The following GSG1L variants were observed in gnomAD, a reference collection of about 807,000 sequenced individuals.
The protein encoded by GSG1L is GSG1 like, also known as germ cell-specific gene 1-like protein.
A neutral mutation model predicts 42.1 loss-of-function variants in GSG1L; 24 were observed. That is an observed-to-expected ratio of 0.57 (90% CI 0.41 to 0.80). The LOEUF (loss-of-function observed/expected upper bound fraction) is 0.80. GSG1L is among the 30% of genes least tolerant of loss of function. The pLI is 0.00. For missense variants in GSG1L, 445 were observed against 472.2 expected, an observed-to-expected ratio of 0.94 and a Z score of 0.53; for synonymous variants, 215 against 203.5, an observed-to-expected ratio of 1.06 and a Z score of -0.48.
At chr16:27,805,924 G>A (rs1473971489) in intron 6 of GSG1L, among the ~76,000 whole-genome samples, 1 of 151,914 alleles carries the variant, frequency 6.6e-6, no homozygotes, top group African/African-American at 2.4e-5. Flanking sequence ...ATGCCCCTAA[G>A]ACAAGCCCCA....
chr16:27,946,929 G>T (rs1331765272), intron 2 of GSG1L, among the ~76,000 whole-genome samples: 2 of 152,146 alleles, frequency 1.3e-5, no homozygotes, highest in Non-Finnish European at 2.9e-5. Flanking sequence ...CATCCCACTT[G>T]ATTCTCAGAA....
intron 3 of GSG1L, among the ~76,000 whole-genome samples, chr16:27,875,118 G>T (rs2083871187): frequency 6.6e-6 from 1 of 152,124 alleles, no homozygotes; most frequent in Non-Finnish European, 1.5e-5. Context: ...CTTTGGTTAG[G>T]CAATTCCCAC....
At chr16:27,850,665 A>G (rs1287897934) in intron 3 of GSG1L, 3 of 444,516 alleles carry the variant, frequency 6.7e-6, no homozygotes, top group African/African-American at 6.0e-5. Flanking sequence ...ATGATAGAGA[A>G]AGCTTTCAAA....
chr16:27,975,469 G>C (rs1253384872), intron 1 of GSG1L, among the ~76,000 whole-genome samples: 1 of 152,050 alleles, frequency 6.6e-6, no homozygotes, highest in Admixed American at 6.6e-5. Context: ...CCACCATCAC[G>C]CTCTGAAATT....
rs116040430 is a variant in GSG1L, at chr16:27,983,782, T to C, written c.350-20579A>G. Among the ~76,000 whole-genome samples the C allele has an allele frequency of 5.2e-3, 784 of 152,182 alleles. 8 individuals are homozygous for C. Among genetic ancestry groups the C allele is most frequent in the African/African-American group, 0.019 (769 of 41,518 alleles). On this transcript the variant is annotated intron_variant, in intron 1 of 6. Transcript: ENST00000447459. ...GGGGGCAGGGATACTGGGGAGTTTT[T>C]TTGGAGGCATTCTATGGCTGACACT...
chr16:27,971,799 T>C (rs2085196345), intron 1 of GSG1L, among the ~76,000 whole-genome samples: 1 of 152,216 alleles, frequency 6.6e-6, no homozygotes, highest in South Asian at 2.1e-4. Flanking sequence ...ATATGCCCTC[T>C]GTCAGGTTGG....
At chr16:28,034,176 AC>A (rs2141178366) in intron 1 of GSG1L, among the ~76,000 whole-genome samples, 1 of 132,128 alleles carries the variant, frequency 7.6e-6, no homozygotes, top group South Asian at 2.4e-4. Flanking sequence ...CCCCATCTCA[AC>A]CCATCCCAAT....
At chr16:27,800,642 A>C (rs936640870) in intron 6 of GSG1L, among the ~76,000 whole-genome samples, 2 of 152,362 alleles carry the variant, frequency 1.3e-5, no homozygotes, top group South Asian at 2.1e-4. Flanking sequence ...ATTATAGCCA[A>C]ATCCATATCA....
rs1395497197 is a variant in GSG1L at position 27,944,138 on chromosome 16, T to G, written c.397+19018A>C. Among the ~76,000 whole-genome samples the G allele has an allele frequency of 2.0e-5, 3 of 152,302 alleles. No homozygotes were observed. The East Asian group carries it at 5.8e-4, about 29-fold the overall frequency. ...TCTGGGAGTCTGACAATGACCCATT[T>G]CTTAACCTTAGCTGTAATAAAGTTT... On this transcript the variant is annotated intron_variant, in intron 2 of 6. Transcript: ENST00000447459.
At chr16:27,948,558 G>C (rs1596639072) in intron 2 of GSG1L, among the ~76,000 whole-genome samples, 1 of 149,784 alleles carries the variant, frequency 6.7e-6, no homozygotes, top group Non-Finnish European at 1.5e-5. Flanking sequence ...ATTTTTAGTA[G>C]AGACGTGATT....
At chr16:27,966,917 C>T (rs2085142776) in intron 1 of GSG1L, among the ~76,000 whole-genome samples, 1 of 152,196 alleles carries the variant, frequency 6.6e-6, no homozygotes, top group Admixed American at 6.5e-5. Context: ...GCAGCTGTGC[C>T]TCCTTTAGAT....
rs536334186 is a variant in GSG1L, at chr16:28,032,401, G to C, written c.349+30675C>G. ...ACAAACACGAATGACAACATGCAGA[G>C]CTGGCGTAGTGAGAGTGAGACAAAT... is the stretch of plus-strand genomic sequence containing the variant. On this transcript the variant is annotated intron_variant, in intron 1 of 6. Transcript: ENST00000447459. 5.3e-5 allele frequency among the ~76,000 whole-genome samples: 8 copies of C among 152,264 alleles called. No homozygotes were observed. In the South Asian group the frequency reaches 1.7e-3, roughly 32 times the overall value.
At chr16:27,966,287 C>T (rs1354281053) in intron 1 of GSG1L, among the ~76,000 whole-genome samples, 1 of 152,150 alleles carries the variant, frequency 6.6e-6, no homozygotes, top group African/African-American at 2.4e-5. Context: ...ACAGTGACTG[C>T]TTAATAAATA....
chr16:27,968,530 C>T (rs1176906082), intron 1 of GSG1L, among the ~76,000 whole-genome samples: 2 of 152,150 alleles, frequency 1.3e-5, no homozygotes, highest in Admixed American at 6.6e-5. Flanking sequence ...GGATTAGAAG[C>T]GTGATCTACC....
rs576328116 is a variant in GSG1L at position 27,949,971 on chromosome 16, A to G, written c.397+13185T>C. ...AAACAAAAAGGAAACATGACAAAAT[A>G]GTGTCCCAGATTTCCAGCATAACAC... On this transcript the variant is annotated intron_variant, in intron 2 of 6. Transcript: ENST00000447459. 2.0e-4 allele frequency among the ~76,000 whole-genome samples: 31 copies of G among 152,304 alleles called. 1 individual carries two copies. The South Asian group carries it at 5.8e-3, about 29-fold the overall frequency.
intron 4 of GSG1L, among the ~76,000 whole-genome samples, chr16:27,840,642 C>G (rs1226954042): frequency 1.3e-5 from 2 of 152,176 alleles, no homozygotes; most frequent in Non-Finnish European, 2.9e-5. Context: ...CCACACCTCC[C>G]GCGGTTCATG....
intron 2 of GSG1L, among the ~76,000 whole-genome samples, chr16:27,896,105 T>C (rs992821352): frequency 1.3e-5 from 2 of 152,072 alleles, no homozygotes; most frequent in Admixed American, 6.5e-5. Flanking sequence ...CCAAAGCACA[T>C]AGGAGTGTAA....
chr16:27,997,548 C>A (rs934034802), intron 1 of GSG1L, among the ~76,000 whole-genome samples: 2 of 151,924 alleles, frequency 1.3e-5, no homozygotes, highest in African/African-American at 2.4e-5. Flanking sequence ...CCTCCCATAT[C>A]AAAATCCTTA....
chr16:28,056,660 A>T (rs918716882), intron 1 of GSG1L, among the ~76,000 whole-genome samples: 1 of 152,044 alleles, frequency 6.6e-6, no homozygotes, highest in African/African-American at 2.4e-5. Flanking sequence ...TCCCTGTCAC[A>T]CGGTGCTGCC....
Sources: gnomAD v4.1 joint callset for allele counts (sites outside exome capture counted in the v4.1 genomes callset) on GRCh38, gnomAD v4.1.1 for gene constraint, MANE v1.5 for transcripts, NCBI Gene and HGNC (gene_info 2026-07-23, HGNC 2026-07-21) for gene names.